DMTF1: variants seen among roughly 807,000 people sequenced by gnomAD.
The protein encoded by DMTF1 is cyclin D binding myb like transcription factor 1.
Under a neutral mutation model 91.1 loss-of-function variants are expected in DMTF1, and 39 were observed. The observed-to-expected ratio is 0.43, with a 90% confidence interval of 0.33 to 0.56. DMTF1 has a LOEUF of 0.56. DMTF1 is among the 20% of genes least tolerant of loss of function. DMTF1 has a pLI of 0.05. For missense variants in DMTF1, 750 were observed against 914.5 expected (o/e 0.82, Z 2.32); for synonymous variants, 338 against 309.5 (o/e 1.09, Z -0.97).
chr7:87,163,428 G>A (rs1321645835), intron 1 of DMTF1, 67 bp from the exon 2 acceptor site: 1 of 152,234 alleles, frequency 6.6e-6, no homozygotes, highest in Non-Finnish European at 1.5e-5. Flanking sequence ...ATTGTCATCA[G>A]CATACTGCTA....
intron 13 of DMTF1, 53 bp from the exon 14 acceptor site, chr7:87,190,892 A>G (rs1799603245): frequency 6.1e-6 from 9 of 1,481,028 alleles, no homozygotes; most frequent in Non-Finnish European, 8.3e-6. Context: ...TTAAATTAAC[A>G]AAACATTTAT....
intron 4 of DMTF1, among the ~76,000 whole-genome samples, chr7:87,169,887 G>C (rs550338423): frequency 6.6e-6 from 1 of 152,250 alleles, no homozygotes; most frequent in African/African-American, 2.4e-5. Flanking sequence ...CTGCTTCTTT[G>C]TTTTCTTTAC....
intron 14 of DMTF1, 35 bp downstream of exon 14, chr7:87,191,062 T>A: frequency 7.3e-7 from 1 of 1,367,646 alleles, no homozygotes; most frequent in Non-Finnish European, 1.0e-6. Context: ...GCCATTTTTA[T>A]GCATGAGAAA....
intron 8 of DMTF1, 105 bp from the exon 9 acceptor site, chr7:87,181,204 T>C: frequency 1.7e-6 from 1 of 604,870 alleles, no homozygotes; most frequent in Non-Finnish European, 3.1e-6. Context: ...TATTATATGC[T>C]AAGTGACTTA....
At chr7:87,194,542 C>G in intron 16 of DMTF1, 142 bp from the exon 17 acceptor site, 1 of 598,262 alleles carries the variant, frequency 1.7e-6, no homozygotes, top group Non-Finnish European at 2.8e-6. Flanking sequence ...ATCTTTTGTC[C>G]CTGTGAGACC....
At position 87,185,986 on chromosome 7, in the gene DMTF1, G is replaced by C. The variant is rs201309527; in HGVS notation, c.1201+6G>C. 2 of 1,613,372 alleles carry C rather than the reference G, an allele frequency of 1.2e-6. No individual in the cohort carries two copies. The highest frequency in any genetic ancestry group is 3.3e-5 in the Admixed American group (2 of 59,992). ...TAAGGATGTTTCGTTCCCTGGTAAT[G>C]TATTACTTACTTTTTAAGCTCCTCC... On this transcript the variant is annotated splice_donor_region_variant and intron_variant, in intron 12 of 17. Transcript: ENST00000331242.
At chr7:87,157,798 A>C in intron 1 of DMTF1, among the ~76,000 whole-genome samples, 1 of 151,538 alleles carries the variant, frequency 6.6e-6, no homozygotes. Context: ...TATAATGAAG[A>C]CACAATAACT....
intron 14 of DMTF1, among the ~76,000 whole-genome samples, chr7:87,191,550 T>C (rs897717890): frequency 2.6e-5 from 4 of 152,118 alleles, no homozygotes; most frequent in African/African-American, 9.7e-5. Flanking sequence ...ACAACCAAAA[T>C]GTCTAGCAAC....
At chr7:87,190,904 G>A (rs756661175) in intron 13 of DMTF1, 41 bp from the exon 14 acceptor site, 1 of 1,518,592 alleles carries the variant, frequency 6.6e-7, no homozygotes, top group East Asian at 2.3e-5. Context: ...AACATTTATT[G>A]TAAATTATTC....
intron 3 of DMTF1, 131 bp from the exon 4 acceptor site, chr7:87,166,352 C>T: frequency 1.2e-6 from 1 of 833,482 alleles, no homozygotes; most frequent in Non-Finnish European, 1.8e-6. Context: ...GTTTGCACAA[C>T]TAGGTTTAGT....
chr7:87,166,666 A>G (rs1584263823), intron 4 of DMTF1, 61 bp downstream of exon 4: 4 of 1,541,548 alleles, frequency 2.6e-6, no homozygotes, highest in African/African-American at 1.4e-5. Context: ...TTAGCTTCCA[A>G]GGCTTTCAGT....
At chr7:87,183,976 G>A (rs539910792) in intron 10 of DMTF1, among the ~76,000 whole-genome samples, 1 of 152,230 alleles carries the variant, frequency 6.6e-6, no homozygotes, top group South Asian at 2.1e-4. Flanking sequence ...ATTCCTATAA[G>A]TAATGGCCTC....
At chr7:87,154,017 A>G (rs1045603480) in intron 1 of DMTF1, among the ~76,000 whole-genome samples, 1 of 152,214 alleles carries the variant, frequency 6.6e-6, no homozygotes, top group Non-Finnish European at 1.5e-5. Flanking sequence ...TCACTTTAAC[A>G]TTTAAAGAAT....
At chr7:87,174,713 C>A (rs1795858959) in intron 7 of DMTF1, 44 bp downstream of exon 7, 1 of 1,370,808 alleles carries the variant, frequency 7.3e-7, no homozygotes, top group Non-Finnish European at 1.0e-6. Flanking sequence ...TTGTTTATTG[C>A]CAATTGCAAA....
intron 7 of DMTF1, among the ~76,000 whole-genome samples, chr7:87,177,784 A>G (rs1037321964): frequency 1.3e-5 from 2 of 152,130 alleles, no homozygotes; most frequent in African/African-American, 2.4e-5. Context: ...TTCTGTGTAG[A>G]TGTCTAATTC....
intron 9 of DMTF1, among the ~76,000 whole-genome samples, 167 bp downstream of exon 9, chr7:87,181,508 A>C (rs1797377216): frequency 6.6e-6 from 1 of 152,208 alleles, no homozygotes; most frequent in Non-Finnish European, 1.5e-5. Context: ...ACTTGCACAA[A>C]ATAACCATTC....
intron 4 of DMTF1, among the ~76,000 whole-genome samples, chr7:87,169,455 C>CA (rs1562800886): frequency 6.6e-6 from 1 of 152,070 alleles, no homozygotes; most frequent in Non-Finnish European, 1.5e-5. Context: ...AAGATCCTGT[C>CA]AAAAAAATAA....
intron 13 of DMTF1, among the ~76,000 whole-genome samples, chr7:87,190,592 A>T (rs947698631): frequency 6.6e-6 from 1 of 152,072 alleles, no homozygotes; most frequent in Admixed American, 6.6e-5. Context: ...TTTAGGCTTT[A>T]TGGGCCTTCT....
intron 1 of DMTF1, among the ~76,000 whole-genome samples, chr7:87,154,876 TTAAA>T (rs2129040345): frequency 1.3e-5 from 2 of 152,268 alleles, no homozygotes; most frequent in South Asian, 2.1e-4. Flanking sequence ...TGGTTAGTAT[TTAAA>T]TAACAACAAA....
Sources: gnomAD v4.1 joint callset for allele counts (sites outside exome capture counted in the v4.1 genomes callset) on GRCh38, gnomAD v4.1.1 for gene constraint, MANE v1.5 for transcripts, NCBI Gene and HGNC (gene_info 2026-07-23, HGNC 2026-07-21) for gene names.